RC3H1: variants seen among roughly 807,000 people sequenced by gnomAD.
The protein encoded by RC3H1 is ring finger and CCCH-type domains 1.
Under a neutral mutation model 138.2 loss-of-function variants are expected in RC3H1, and 50 were observed. That is an observed-to-expected ratio of 0.36 (90% CI 0.29 to 0.46). The LOEUF (loss-of-function observed/expected upper bound fraction) is 0.46, where lower values mean the gene tolerates loss of function less well. RC3H1 is among the 20% of genes least tolerant of loss of function. The pLI is 1.00. For synonymous variants in RC3H1, 462 were observed against 489.1 expected, an observed-to-expected ratio of 0.94 and a Z score of 0.73; for missense variants, 1,031 against 1,388.1, an observed-to-expected ratio of 0.74 and a Z score of 4.09.
In RC3H1 at chr1:173,983,619, G is replaced by A. The variant is rs1557942705; in HGVS notation, c.391C>T (p.Arg131Cys). The A allele has an allele frequency of 3.1e-6, 5 of 1,613,942 alleles. No individual in the cohort carries two copies. Among genetic ancestry groups the A allele is most frequent in the African/African-American group, 1.3e-5 (1 of 75,020 alleles). ...LNSTTQSVLS[R>C]PMQRKLVTLV... ...GTCACAAGCTTCCTCTGCATTGGGC[G>A]ACTCAGAACACTCTGAGTAGTGCTG... Residue 131 changes from arginine to cysteine, a missense_variant, in exon 4 of 20, where the codon CGC (arginine) becomes TGC (cysteine). Coordinates refer to ENST00000367696, the MANE Select transcript of RC3H1 (RefSeq NM_172071.4).
intron 18 of RC3H1, among the ~76,000 whole-genome samples, chr1:173,943,073 T>C (rs554536207): frequency 3.3e-5 from 5 of 152,330 alleles, no homozygotes; most frequent in African/African-American, 1.2e-4. Flanking sequence ...TAGAATGTTA[T>C]TTGGTGAATA....
At position 173,932,516 on chromosome 1, in the gene RC3H1, C is replaced by G. The variant is rs1658421541; in HGVS notation, c.*6205G>C. ...TAATCATAAAGAAAGATAATGAGACCTGTGGACTAATTAATTTTTTTAAAA... is the reference window on the plus strand; with the variant it reads ...TAATCATAAAGAAAGATAATGAGACGTGTGGACTAATTAATTTTTTTAAAA... On this transcript the variant is annotated 3_prime_UTR_variant, in exon 20 of 20. Transcript: ENST00000367696. The G allele has an allele frequency of 6.6e-6, 1 of 151,986 alleles. No individual in the cohort carries two copies. Among genetic ancestry groups the G allele is most frequent in the South Asian group, 2.1e-4 (1 of 4,824 alleles). The allele number at this position is 151,986 out of a possible 1,614,324, so 9.4% of individuals were successfully genotyped here.
At chr1:173,986,559 C>T (rs956435621) in intron 2 of RC3H1, among the ~76,000 whole-genome samples, 1 of 152,004 alleles carries the variant, frequency 6.6e-6, no homozygotes, top group Admixed American at 6.6e-5. Flanking sequence ...CCATGTCTCT[C>T]CCTCTTTTTT....
chr1:173,997,158 G>A (rs1305519695), intron 1 of RC3H1, among the ~76,000 whole-genome samples: 8 of 152,112 alleles, frequency 5.3e-5, no homozygotes, highest in Non-Finnish European at 8.8e-5. Context: ...CCAGGAGGTC[G>A]GAGCTGTAGT....
At chr1:173,956,667 T>TAAAAAAAAAAA (rs75866304) in intron 13 of RC3H1, among the ~76,000 whole-genome samples, 1 of 84,908 alleles carries the variant, frequency 1.2e-5, no homozygotes. Flanking sequence ...CTCAAAAAAT[T>TAAAAAAAAAAA]AAAAAAAAAA....
intron 2 of RC3H1, among the ~76,000 whole-genome samples, chr1:173,985,059 T>C (rs745714053): frequency 6.6e-6 from 1 of 152,204 alleles, no homozygotes; most frequent in Admixed American, 6.5e-5. Flanking sequence ...ATAAGCAAAA[T>C]CAATACAATA....
At chr1:173,965,245 A>C (rs1660059973) in intron 9 of RC3H1, 125 bp from the exon 10 acceptor site, 1 of 902,420 alleles carries the variant, frequency 1.1e-6, no homozygotes, top group Non-Finnish European at 1.6e-6. Flanking sequence ...CAGTGTGTAT[A>C]TTTTGCATAA....
intron 14 of RC3H1, among the ~76,000 whole-genome samples, chr1:173,947,981 C>T (rs2102871008): frequency 9.1e-6 from 1 of 109,866 alleles, no homozygotes; most frequent in Admixed American, 8.0e-5. Flanking sequence ...CTGGGCTTAG[C>T]TTGCCTCAAG....
chr1:173,970,961 T>G (rs999256586), intron 8 of RC3H1, among the ~76,000 whole-genome samples: 6 of 109,564 alleles, frequency 5.5e-5, no homozygotes, highest in Non-Finnish European at 1.2e-4. Flanking sequence ...TCATTTCCAC[T>G]TTTTTTTTTT....
In RC3H1 at chr1:173,938,810, T is replaced by C. The variant is rs766024336; in HGVS notation, c.3313A>G (p.Ser1105Gly). 12 of 1,613,692 alleles carry C rather than the reference T, an allele frequency of 7.4e-6. No homozygotes were observed. In the South Asian group the frequency reaches 1.3e-4, roughly 18 times the overall value. ...ENISLLSNKT[S>G]SLNLSEDPEG... ...GGGTCCTCTGACAGGTTCAGAGAGC[T>C]GGTCTTGTTTGATAGGAGGCTGATA... The change falls in exon 20 of 20, where the codon AGC (serine) becomes GGC (glycine). Residue 1105 changes from serine (S) to glycine (G), a missense_variant. Physicochemically the swap from Ser to Gly is moderately conservative, Grantham distance 56 (BLOSUM62 0). Around this residue, in one of 7 missense-constraint regions of RC3H1, gnomAD observed 716 missense variants for 837.9 expected, o/e 0.85. Coordinates refer to ENST00000367696, the MANE Select transcript of RC3H1 (RefSeq NM_172071.4).
chr1:173,971,886 C>A (rs1236092771), intron 8 of RC3H1, among the ~76,000 whole-genome samples: 3 of 152,018 alleles, frequency 2.0e-5, no homozygotes, highest in Admixed American at 6.6e-5. Flanking sequence ...CACAGGCTTA[C>A]TACTGCAAAA....
At chr1:174,021,567 C>T (rs796070255) in intron 1 of RC3H1, among the ~76,000 whole-genome samples, 19 of 152,164 alleles carry the variant, frequency 1.2e-4, no homozygotes, top group African/African-American at 4.6e-4. Flanking sequence ...GGCTAGATCT[C>T]CAGGGACTTC....
In RC3H1 at chr1:173,938,794, G is replaced by A; in HGVS notation, c.3329C>T (p.Ser1110Leu). 1 of 1,613,652 alleles carries A rather than the reference G, an allele frequency of 6.2e-7. No homozygotes were observed. Among genetic ancestry groups the A allele is most frequent in the Non-Finnish European group, 8.5e-7 (1 of 1,179,602 alleles). The change falls in exon 20 of 20, where the codon TCA becomes TTA. Residue 1110 changes from serine (S) to leucine (L), a missense_variant. Ser to Leu is a moderately radical substitution (Grantham distance 145). This residue lies in a region of RC3H1 where 716 missense variants were observed against 837.9 expected (regional missense o/e 0.85). Transcript: ENST00000367696. The part of the protein sequence containing the change: ...LSNKTSSLNL[S>L]EDPEGGGDNN... ...ATCCCCTCCTCCCTCAGGGTCCTCT[G>A]ACAGGTTCAGAGAGCTGGTCTTGTT...
chr1:173,961,596 TTA>T, intron 12 of RC3H1, 127 bp downstream of exon 12: 1 of 982,348 alleles, frequency 1.0e-6, no homozygotes, highest in Non-Finnish European at 1.5e-6. Flanking sequence ...ATGAAAAGAT[TTA>T]AAAAAAAAAG....
chr1:174,015,266 C>A (rs1426014890), intron 1 of RC3H1, among the ~76,000 whole-genome samples: 1 of 140,314 alleles, frequency 7.1e-6, no homozygotes, highest in Non-Finnish European at 1.6e-5. Flanking sequence ...TTTTTTTTGG[C>A]CTACTTCTTA....
intron 17 of RC3H1, 89 bp downstream of exon 17, chr1:173,946,386 GT>G: frequency 1.6e-6 from 2 of 1,248,452 alleles, no homozygotes; most frequent in Non-Finnish European, 1.1e-6. Context: ...AGACCTTAAA[GT>G]TTTTTGTTCA....
chr1:173,981,295 T>C (rs1024489730), intron 5 of RC3H1, among the ~76,000 whole-genome samples: 2 of 152,216 alleles, frequency 1.3e-5, no homozygotes, highest in Non-Finnish European at 2.9e-5. Context: ...AGAAGTGTTA[T>C]CAGATTTCAG....
chr1:173,983,049 A>AT, intron 4 of RC3H1, 147 bp from the exon 5 acceptor site: 1 of 607,730 alleles, frequency 1.6e-6, no homozygotes, highest in East Asian at 3.1e-5. Flanking sequence ...CTTTTACACC[A>AT]TTTTTGTGAG....
chr1:173,997,103 T>C (rs1038388231), intron 1 of RC3H1, among the ~76,000 whole-genome samples: 14 of 151,988 alleles, frequency 9.2e-5, no homozygotes, highest in African/African-American at 2.9e-4. Flanking sequence ...TGGGCACCTG[T>C]AGTCCCAGCT....
Sources: allele counts gnomAD v4.1 joint callset (sites outside exome capture counted in the v4.1 genomes callset), GRCh38; gene constraint gnomAD v4.1.1; regional missense constraint gnomAD v4.1.1; transcripts MANE v1.5; gene names NCBI Gene and HGNC (gene_info 2026-07-23, HGNC 2026-07-21).